The following FRMD6 variants were observed in gnomAD, a reference collection of about 807,000 sequenced individuals.
The protein encoded by FRMD6 is FERM domain-containing protein 6.
In FRMD6, 37 loss-of-function variants were observed where a neutral mutation model predicts 73.2. That is an observed-to-expected ratio of 0.51 (90% confidence interval 0.39 to 0.66). The LOEUF (loss-of-function observed/expected upper bound fraction) is 0.66. FRMD6 is among the 30% of genes least tolerant of loss of function. The pLI is 0.00. For synonymous variants in FRMD6, 273 were observed against 282.2 expected, an observed-to-expected ratio of 0.97 and a Z score of 0.33; for missense variants, 714 against 780.5, an observed-to-expected ratio of 0.91 and a Z score of 1.02.
the FRMD6 span, among the ~76,000 whole-genome samples, chr14:51,415,533 T>C: frequency 1.3e-5 from 2 of 152,246 alleles, no homozygotes; most frequent in Non-Finnish European, 2.9e-5. Flanking sequence ...AGCTTTTTGA[T>C]GTGCTGCTGG....
intron 1 of FRMD6, among the ~76,000 whole-genome samples, chr14:51,514,037 G>A (rs1261001334): frequency 6.6e-6 from 1 of 152,190 alleles, no homozygotes; most frequent in African/African-American, 2.4e-5. Context: ...TGTATGTTAA[G>A]TGTCTACACT....
At chr14:51,526,179 C>T (rs968450317) in intron 1 of FRMD6, among the ~76,000 whole-genome samples, 4 of 152,160 alleles carry the variant, frequency 2.6e-5, no homozygotes, top group African/African-American at 9.7e-5. Context: ...TGCCTAGAAA[C>T]CAGAGCTGAA....
intron 7 of FRMD6, among the ~76,000 whole-genome samples, chr14:51,708,892 G>A (rs1465149588): frequency 2.6e-5 from 4 of 152,122 alleles, no homozygotes; most frequent in Admixed American, 6.5e-5. Context: ...TATTCCACAC[G>A]TTCCTCACTC....
At chr14:51,582,265 G>A (rs1366752043) in intron 2 of FRMD6, among the ~76,000 whole-genome samples, 1 of 152,212 alleles carries the variant, frequency 6.6e-6, no homozygotes, top group Non-Finnish European at 1.5e-5. Context: ...TTTTTGAGAT[G>A]TGTCCTAATC....
intron 1 of FRMD6, among the ~76,000 whole-genome samples, chr14:51,494,137 A>G (rs528726133): frequency 2.0e-5 from 3 of 152,322 alleles, no homozygotes; most frequent in South Asian, 4.1e-4. Flanking sequence ...CCCAAAATTC[A>G]TGTTCTTCTT....
At chr14:51,537,050 T>C (rs1885938745) in intron 1 of FRMD6, among the ~76,000 whole-genome samples, 1 of 152,210 alleles carries the variant, frequency 6.6e-6, no homozygotes, top group South Asian at 2.1e-4. Context: ...GTCCATAGTG[T>C]ATATTAGAGT....
At chr14:51,695,140 G>A (rs573992243) in intron 2 of FRMD6, among the ~76,000 whole-genome samples, 1 of 148,576 alleles carries the variant, frequency 6.7e-6, no homozygotes, top group East Asian at 1.9e-4. Context: ...ACTTCTTATG[G>A]CATTTTATCT....
intron 1 of FRMD6, among the ~76,000 whole-genome samples, chr14:51,498,037 C>A (rs991219631): frequency 6.6e-6 from 1 of 152,168 alleles, no homozygotes; most frequent in South Asian, 2.1e-4. Context: ...GAGGAACAGT[C>A]TTACATTCTA....
the FRMD6 span, among the ~76,000 whole-genome samples, chr14:51,429,334 T>TG: frequency 6.6e-6 from 1 of 152,226 alleles, no homozygotes; most frequent in East Asian, 1.9e-4. Flanking sequence ...TGGTTTGTTA[T>TG]GCAGCAGTAG....
chr14:51,478,186 A>T, the FRMD6 span, among the ~76,000 whole-genome samples: 2 of 152,242 alleles, frequency 1.3e-5, no homozygotes, highest in East Asian at 1.9e-4. Context: ...TGTAAAACTG[A>T]AATTATTATA....
At chr14:51,573,043 G>C (rs1349950264) in intron 2 of FRMD6, among the ~76,000 whole-genome samples, 1 of 152,138 alleles carries the variant, frequency 6.6e-6, no homozygotes, top group African/African-American at 2.4e-5. Context: ...TCTGAGAGAA[G>C]GGGATCTATC....
At chr14:51,502,381 T>C (rs1883674678) in intron 1 of FRMD6, among the ~76,000 whole-genome samples, 1 of 152,200 alleles carries the variant, frequency 6.6e-6, no homozygotes, top group African/African-American at 2.4e-5. Flanking sequence ...TTGTATATGG[T>C]GTAAGGAAGG....
chr14:51,563,532 TG>T (rs1037245835), intron 1 of FRMD6, among the ~76,000 whole-genome samples: 1 of 152,022 alleles, frequency 6.6e-6, no homozygotes, highest in African/African-American at 2.4e-5. Flanking sequence ...TAACTGGGCA[TG>T]GTGGTGGGTG....
At chr14:51,574,652 A>G (rs976497109) in intron 2 of FRMD6, among the ~76,000 whole-genome samples, 2 of 151,656 alleles carry the variant, frequency 1.3e-5, no homozygotes, top group African/African-American at 4.8e-5. Flanking sequence ...GAGTAGAATG[A>G]TGGTTACCAG....
At chr14:51,711,647 C>T (rs758678182) in intron 8 of FRMD6, 51 bp downstream of exon 8, 3 of 1,314,372 alleles carry the variant, frequency 2.3e-6, no homozygotes, top group Non-Finnish European at 3.3e-6. Flanking sequence ...CTTCTGTTTA[C>T]AGCATGCCTC....
At chr14:51,682,763 T>C (rs1894892347) in intron 1 of FRMD6, among the ~76,000 whole-genome samples, 1 of 152,190 alleles carries the variant, frequency 6.6e-6, no homozygotes, top group Non-Finnish European at 1.5e-5. Context: ...AGCAGCTCTC[T>C]CCTTCCCAGC....
rs1296655869 is a variant in FRMD6, at chr14:51,570,135, G to A, written c.-209-213G>A. Among the ~76,000 whole-genome samples the A allele has an allele frequency of 7.9e-5, 12 of 152,002 alleles. 1 individual carries two copies. Among genetic ancestry groups the A allele is most frequent in the Admixed American group, 7.2e-4 (11 of 15,252 alleles). On this transcript the variant is annotated intron_variant, in intron 1 of 14. Transcript: ENST00000356218. ...CGGCCCATGAGCCACCGTGCCCGGC[G>A]GAGAATTTTCTTTTTAACTTGTCAC... is the stretch of plus-strand genomic sequence containing the variant.
intron 2 of FRMD6, among the ~76,000 whole-genome samples, chr14:51,694,208 T>C (rs1594746332): frequency 6.6e-6 from 1 of 152,206 alleles, no homozygotes; most frequent in East Asian, 1.9e-4. Context: ...ATGGAAGCTT[T>C]GGACAATTTT....
At chr14:51,432,980 C>T in the FRMD6 span, among the ~76,000 whole-genome samples, 1 of 152,204 alleles carries the variant, frequency 6.6e-6, no homozygotes, top group African/African-American at 2.4e-5. Context: ...TTCACACTCA[C>T]TCATAATTAG....
Sources: gnomAD v4.1 joint callset for allele counts (sites outside exome capture counted in the v4.1 genomes callset) on GRCh38, gnomAD v4.1.1 for gene constraint, MANE v1.5 for transcripts, NCBI Gene and HGNC (gene_info 2026-07-23, HGNC 2026-07-21) for gene names.